The following SLC35F3 variants were observed in gnomAD, a reference collection of about 807,000 sequenced individuals.
SLC35F3 encodes putative thiamine transporter SLC35F3.
Under a neutral mutation model 49.9 loss-of-function variants are expected in SLC35F3, and 25 were observed. The observed-to-expected ratio is 0.50, with a 90% CI of 0.37 to 0.70. The LOEUF (loss-of-function observed/expected upper bound fraction) is 0.70, where lower values mean the gene tolerates loss of function less well. SLC35F3 is among the 30% of genes least tolerant of loss of function. The pLI is 0.00. For missense variants in SLC35F3, 525 were observed against 639.8 expected (o/e 0.82, Z 1.94); for synonymous variants, 275 against 265.4 (o/e 1.04, Z -0.35).
At chr1:234,225,000 G>A (rs1667264870) in intron 2 of SLC35F3, among the ~76,000 whole-genome samples, 1 of 152,330 alleles carries the variant, frequency 6.6e-6, no homozygotes, top group Middle Eastern at 3.4e-3. Flanking sequence ...CTAGTCAGGA[G>A]CATGACTGGG....
At chr1:233,940,419 G>A (rs1662401532) in intron 2 of SLC35F3, among the ~76,000 whole-genome samples, 1 of 151,488 alleles carries the variant, frequency 6.6e-6, no homozygotes, top group Admixed American at 6.6e-5. Flanking sequence ...AATTGAAGTG[G>A]TTCTGCAGCA....
At position 234,172,059 on chromosome 1, in the gene SLC35F3, T is replaced by G. The variant is rs150667361; in HGVS notation, c.284-59358T>G. 2.3e-3 allele frequency among the ~76,000 whole-genome samples: 348 copies of G among 151,934 alleles called. 2 individuals carry two copies. Among genetic ancestry groups the G allele is most frequent in the African/African-American group, 7.9e-3 (329 of 41,436 alleles). ...ATCTTCTTTTTAGCACAGATTCACA[T>G]CTGACCATTGCTTGCATGGATTTCT... On this transcript the variant is annotated intron_variant, in intron 2 of 7. Coordinates refer to ENST00000366618, the MANE Select transcript of SLC35F3 (RefSeq NM_173508.4).
chr1:234,193,887 G>T (rs113543759), intron 2 of SLC35F3, among the ~76,000 whole-genome samples: 2 of 151,908 alleles, frequency 1.3e-5, no homozygotes, highest in Admixed American at 1.3e-4. Flanking sequence ...AATGAAAACC[G>T]CAATACAATA....
At chr1:233,981,916 A>C (rs1000468966) in intron 2 of SLC35F3, among the ~76,000 whole-genome samples, 1 of 152,086 alleles carries the variant, frequency 6.6e-6, no homozygotes, top group African/African-American at 2.4e-5. Context: ...CCTAATAGCT[A>C]ATGATGTTGA....
At chr1:234,022,770 C>A (rs1450451035) in intron 2 of SLC35F3, among the ~76,000 whole-genome samples, 2 of 152,180 alleles carry the variant, frequency 1.3e-5, no homozygotes, top group Non-Finnish European at 2.9e-5. Flanking sequence ...CTGTATACAG[C>A]ATGTTCCACT....
chr1:234,304,118 C>G (rs1668739585), intron 3 of SLC35F3, among the ~76,000 whole-genome samples: 1 of 149,568 alleles, frequency 6.7e-6, no homozygotes, highest in South Asian at 2.1e-4. Context: ...CCCTCTCTCT[C>G]TCATTTTATG....
chr1:234,000,052 C>T (rs1188190265), intron 2 of SLC35F3, among the ~76,000 whole-genome samples: 1 of 152,158 alleles, frequency 6.6e-6, no homozygotes, highest in African/African-American at 2.4e-5. Context: ...TCACAAAATG[C>T]ATCCTCTTAA....
intron 2 of SLC35F3, among the ~76,000 whole-genome samples, chr1:233,967,611 C>A (rs868289607): frequency 3.4e-4 from 52 of 152,230 alleles, no homozygotes; most frequent in African/African-American, 1.3e-3. Flanking sequence ...TGAGTTGAGA[C>A]CAATGTGGAA....
intron 2 of SLC35F3, among the ~76,000 whole-genome samples, chr1:233,923,818 C>T (rs961783118): frequency 6.6e-6 from 1 of 152,132 alleles, no homozygotes; most frequent in African/African-American, 2.4e-5. Flanking sequence ...AGATACATTC[C>T]ATCGACACCT....
chr1:234,052,011 G>A (rs185742985), intron 2 of SLC35F3, among the ~76,000 whole-genome samples: 20 of 152,274 alleles, frequency 1.3e-4, no homozygotes, highest in Admixed American at 1.3e-3. Flanking sequence ...TGGTGGATAA[G>A]CTTTTTGATG....
intron 2 of SLC35F3, among the ~76,000 whole-genome samples, chr1:234,224,150 A>T (rs1667250611): frequency 6.6e-6 from 1 of 152,084 alleles, no homozygotes; most frequent in Admixed American, 6.5e-5. Context: ...TTGCAGCCTC[A>T]ACTTTCTGGG....
At chr1:233,980,311 A>G (rs1264390362) in intron 2 of SLC35F3, among the ~76,000 whole-genome samples, 2 of 152,218 alleles carry the variant, frequency 1.3e-5, no homozygotes, top group Admixed American at 6.5e-5. Context: ...AAGCCTCACA[A>G]TACAGTGTTG....
At chr1:233,949,493 A>T (rs964708539) in intron 2 of SLC35F3, among the ~76,000 whole-genome samples, 4 of 152,218 alleles carry the variant, frequency 2.6e-5, no homozygotes, top group Non-Finnish European at 5.9e-5. Context: ...AGAAGAGGGA[A>T]AATGCAAAGA....
chr1:234,224,068 G>GTTTA (rs1482451759), intron 2 of SLC35F3, among the ~76,000 whole-genome samples: 3 of 148,096 alleles, frequency 2.0e-5, no homozygotes, highest in African/African-American at 7.9e-5. Flanking sequence ...TTGTTTGTTT[G>GTTTA]TTTGTTTGTT....
At chr1:234,132,707 A>C (rs191505971) in intron 2 of SLC35F3, among the ~76,000 whole-genome samples, 236 of 152,300 alleles carry the variant, frequency 1.5e-3, no homozygotes, top group Middle Eastern at 3.4e-3. Context: ...TTTATTGTTG[A>C]AATGTTAGAT....
chr1:234,058,328 AT>A (rs56960667), intron 2 of SLC35F3, among the ~76,000 whole-genome samples: 259 of 39,776 alleles, frequency 6.5e-3, no homozygotes, highest in African/African-American at 9.2e-3. Flanking sequence ...ATGTTCCTGA[AT>A]TTTTTTTTTT....
At chr1:234,290,545 C>T (rs891846297) in intron 3 of SLC35F3, among the ~76,000 whole-genome samples, 3 of 152,116 alleles carry the variant, frequency 2.0e-5, no homozygotes, top group Admixed American at 2.0e-4. Flanking sequence ...GCTTCACTGC[C>T]CCATGTCCTG....
At chr1:234,235,848 A>T (rs925678170) in intron 3 of SLC35F3, among the ~76,000 whole-genome samples, 1 of 152,170 alleles carries the variant, frequency 6.6e-6, no homozygotes, top group African/African-American at 2.4e-5. Flanking sequence ...CGGTGTGTGT[A>T]CCTTGCCACC....
intron 2 of SLC35F3, among the ~76,000 whole-genome samples, chr1:233,939,263 G>T (rs961254653): frequency 6.6e-6 from 1 of 152,228 alleles, no homozygotes; most frequent in South Asian, 2.1e-4. Flanking sequence ...ACCAGCCTGG[G>T]CAACAAAACA....
Sources: gnomAD v4.1 joint callset for allele counts (sites outside exome capture counted in the v4.1 genomes callset) on GRCh38, gnomAD v4.1.1 for gene constraint, MANE v1.5 for transcripts, NCBI Gene and HGNC (gene_info 2026-07-23, HGNC 2026-07-21) for gene names.